Variants in CIRSR observed in about 807,000 individuals in gnomAD.
CIRSR encodes the protein CBF1 (RBPJ) interacting corepressor 1.
the CIRSR span, chr2:174,358,230 T>C: frequency 6.6e-6 from 1 of 152,166 alleles, no homozygotes; most frequent in East Asian, 1.9e-4. Context: ...AATGAAGATA[T>C]TTTATTTTTA....
chr2:174,370,134 G>A, the CIRSR span: 1 of 1,244,158 alleles, frequency 8.0e-7, no homozygotes, highest in African/African-American at 1.5e-5. Context: ...GGCATAATGG[G>A]TGGTTGAGAA....
chr2:174,367,648 G>A, the CIRSR span, among the ~76,000 whole-genome samples: 1 of 151,074 alleles, frequency 6.6e-6, no homozygotes, highest in African/African-American at 2.4e-5. Context: ...AGGCTAAGGT[G>A]GGAAGATAGC....
At chr2:174,390,433 G>A in the CIRSR span, among the ~76,000 whole-genome samples, 15 of 152,244 alleles carry the variant, frequency 9.9e-5, no homozygotes, top group Non-Finnish European at 1.6e-4. Flanking sequence ...CTGTACTCCT[G>A]TTGTATCCAG....
At chr2:174,366,907 T>C in the CIRSR span, among the ~76,000 whole-genome samples, 2 of 152,136 alleles carry the variant, frequency 1.3e-5, no homozygotes, top group Non-Finnish European at 2.9e-5. Flanking sequence ...AACTGTGGCA[T>C]ACATACAAAA....
the CIRSR span, among the ~76,000 whole-genome samples, chr2:174,374,695 C>T: frequency 6.6e-6 from 1 of 152,098 alleles, no homozygotes; most frequent in African/African-American, 2.4e-5. Context: ...CTGTGTAGCT[C>T]CACAGCTCCT....
chr2:174,354,940 T>A, the CIRSR span, among the ~76,000 whole-genome samples: 1 of 150,446 alleles, frequency 6.6e-6, no homozygotes, highest in Non-Finnish European at 1.5e-5. Flanking sequence ...GTACTTTTCA[T>A]AATACAAAAA....
chr2:174,352,047 C>T, the CIRSR span: 1 of 180,784 alleles, frequency 5.5e-6, no homozygotes, highest in East Asian at 1.4e-4. Flanking sequence ...TAAAAAACTA[C>T]AATTAAACTT....
chr2:174,352,369 T>A, the CIRSR span, among the ~76,000 whole-genome samples: 1 of 152,156 alleles, frequency 6.6e-6, no homozygotes, highest in Non-Finnish European at 1.5e-5. Flanking sequence ...ATGTTTTATA[T>A]TTTTTTACAC....
At chr2:174,383,491 G>A in the CIRSR span, among the ~76,000 whole-genome samples, 12 of 151,914 alleles carry the variant, frequency 7.9e-5, no homozygotes, top group South Asian at 6.2e-4. Context: ...AGGCTGAGGC[G>A]GGTGGATCAC....
the CIRSR span, among the ~76,000 whole-genome samples, chr2:174,371,420 T>C: frequency 1.3e-5 from 2 of 152,200 alleles, no homozygotes; most frequent in Admixed American, 6.5e-5. Context: ...ATAAGGGCTA[T>C]AGAATATAGA....
chr2:174,353,281 A>G, the CIRSR span, among the ~76,000 whole-genome samples: 1 of 152,210 alleles, frequency 6.6e-6, no homozygotes, highest in Non-Finnish European at 1.5e-5. Context: ...TTTCATTTTA[A>G]ACCAAGAGGG....
chr2:174,376,506 A>G, the CIRSR span, among the ~76,000 whole-genome samples: 2 of 152,072 alleles, frequency 1.3e-5, no homozygotes, highest in Non-Finnish European at 2.9e-5. Flanking sequence ...ATAGAAATGG[A>G]GGGCTGGAGG....
chr2:174,378,911 T>C, the CIRSR span: 2 of 1,556,330 alleles, frequency 1.3e-6, no homozygotes, highest in Admixed American at 3.3e-5. Flanking sequence ...ACAAATCATG[T>C]CTAGTGCCTA....
At chr2:174,378,486 G>A in the CIRSR span, among the ~76,000 whole-genome samples, 1 of 151,798 alleles carries the variant, frequency 6.6e-6, no homozygotes, top group African/African-American at 2.4e-5. Flanking sequence ...AGGACAGTAA[G>A]TAACTTTAAG....
chr2:174,357,146 C>T, the CIRSR span, among the ~76,000 whole-genome samples: 3 of 152,068 alleles, frequency 2.0e-5, no homozygotes, highest in Non-Finnish European at 2.9e-5. Flanking sequence ...ACCTATCTTC[C>T]CCTCCCTATT....
the CIRSR span, among the ~76,000 whole-genome samples, chr2:174,363,801 T>C: frequency 6.6e-5 from 10 of 152,236 alleles, no homozygotes; most frequent in East Asian, 3.9e-4. Flanking sequence ...TGGGAAAGAC[T>C]TGATCCCATG....
chr2:174,383,675 G>A, the CIRSR span, among the ~76,000 whole-genome samples: 21 of 142,522 alleles, frequency 1.5e-4, no homozygotes, highest in African/African-American at 3.4e-4. Flanking sequence ...AGCCGAGATC[G>A]CACCACTGCA....
At chr2:174,350,630 A>T in the CIRSR span, 2 of 1,423,340 alleles carry the variant, frequency 1.4e-6, no homozygotes, top group Non-Finnish European at 1.9e-6. Context: ...AGGAAAAAAT[A>T]AATCTATTAA....
chr2:174,371,891 C>G, the CIRSR span, among the ~76,000 whole-genome samples: 1 of 152,096 alleles, frequency 6.6e-6, no homozygotes, highest in East Asian at 1.9e-4. Flanking sequence ...CTGAAATTGC[C>G]TTATTGCAAA....
Sources: gnomAD v4.1 joint callset for allele counts (sites outside exome capture counted in the v4.1 genomes callset) on GRCh38, gnomAD v4.1.1 for gene constraint, MANE v1.5 for transcripts, NCBI Gene and HGNC (gene_info 2026-07-23, HGNC 2026-07-21) for gene names.